Variants in IDH3A observed in about 807,000 individuals in gnomAD.
IDH3A encodes isocitrate dehydrogenase [NAD] subunit alpha, mitochondrial.
Under a neutral mutation model 43.3 loss-of-function variants are expected in IDH3A, and 23 were observed. That is an observed-to-expected ratio of 0.53 (90% CI 0.38 to 0.75). The LOEUF (loss-of-function observed/expected upper bound fraction) is 0.75, where lower values mean the gene tolerates loss of function less well. Ranked by LOEUF, IDH3A falls within the 30% of genes least tolerant of loss-of-function variation. The pLI is 0.00. For synonymous variants in IDH3A, 154 were observed against 163.5 expected (o/e 0.94, Z 0.44); for missense variants, 329 against 474.4 (o/e 0.69, Z 2.85).
At chr15:78,158,608 C>G (rs1219237389) in intron 3 of IDH3A, among the ~76,000 whole-genome samples, 1 of 147,922 alleles carries the variant, frequency 6.8e-6, no homozygotes, top group African/African-American at 2.5e-5. Context: ...TCCCAAGTAG[C>G]TGGGATTACA....
intron 8 of IDH3A, 80 bp downstream of exon 8, chr15:78,163,860 C>A: frequency 2.2e-6 from 2 of 889,942 alleles, no homozygotes; most frequent in South Asian, 1.4e-5. Flanking sequence ...TTAACATTTT[C>A]AATTGAGTAT....
At chr15:78,156,249 T>C (rs904328997) in intron 2 of IDH3A, among the ~76,000 whole-genome samples, 8 of 152,144 alleles carry the variant, frequency 5.3e-5, no homozygotes, top group Non-Finnish European at 5.9e-5. Flanking sequence ...TCAGGCTATT[T>C]ATTTGAAAAA....
chr15:78,155,217 CT>C lies in IDH3A; in HGVS notation c.33del (p.Arg12GlyfsTer12). 6.2e-7 allele frequency: 1 copy of C among 1,610,992 alleles called. No individual in the cohort carries two copies. The highest frequency in any genetic ancestry group is 8.5e-7 in the Non-Finnish European group (1 of 1,177,224). ...TCTCTGTTGATATTAATATAGGTCT[CT>C]CGGCTGCTGGGGGCATTCCACAACC... is the stretch of plus-strand genomic sequence containing the variant. Reference protein sequence around the residue: MAGPAWISKVSRLLGAFHNPK... With the variant: MAGPAWISKVXRLLGAFHNPK... On this transcript the variant is annotated frameshift_variant, in exon 2 of 11. Coordinates refer to ENST00000299518, the MANE Select transcript of IDH3A (RefSeq NM_005530.3). LOFTEE classifies it high-confidence loss of function.
chr15:78,157,272 C>T, intron 2 of IDH3A: 1 of 797,786 alleles, frequency 1.3e-6, no homozygotes, highest in South Asian at 2.7e-5. Flanking sequence ...AGGAAATCTA[C>T]TTGGTAGTTT....
intron 10 of IDH3A, chr15:78,168,300 A>G (rs2074774795): frequency 6.6e-6 from 1 of 151,634 alleles, no homozygotes; most frequent in Non-Finnish European, 1.5e-5. Context: ...TTTCTTTCGT[A>G]TTTGTGTCCC....
At chr15:78,154,844 C>T (rs143848878) in intron 1 of IDH3A, 66 of 163,992 alleles carry the variant, frequency 4.0e-4, no homozygotes, top group Admixed American at 6.3e-4. Context: ...ATATATGTTA[C>T]CCCTAAATTG....
chr15:78,151,034 C>G (rs889664766), intron 1 of IDH3A: 1 of 152,142 alleles, frequency 6.6e-6, no homozygotes, highest in African/African-American at 2.4e-5. Context: ...ATCTGTTTTG[C>G]CTTTAGTGTG....
Position 78,160,114 on chromosome 15 carries a change from G to A in IDH3A, c.197G>A (p.Arg66Gln), listed in dbSNP as rs150367709. The change falls in exon 4 of 11, where the codon CGG (arginine) becomes CAG (glutamine). Residue 66 changes from arginine to glutamine, a missense_variant. Transcript: ENST00000299518. ...AAKAPIQWEE[R>Q]NVTAIQGPGG... ...TAGGCACCTATTCAGTGGGAGGAGC[G>A]GAACGTCACTGCCATTCAAGGACCT... 188 of 1,611,558 alleles carry A rather than the reference G, an allele frequency of 1.2e-4. 3 individuals carry two copies. In the East Asian group the frequency reaches 1.5e-3, roughly 13 times the overall value.
chr15:78,162,174 T>C (rs2074687473), intron 5 of IDH3A, 60 bp from the exon 6 acceptor site: 1 of 1,597,574 alleles, frequency 6.3e-7, no homozygotes, highest in African/African-American at 1.3e-5. Context: ...CCCCACCCTC[T>C]GTCTCCCACT....
chr15:78,159,827 C>CA (rs981675146), intron 3 of IDH3A: 63 of 335,858 alleles, frequency 1.9e-4, no homozygotes, highest in East Asian at 3.5e-4. Context: ...CCTGTCTCTA[C>CA]AAAAAAAATA....
At chr15:78,155,163 G>A in intron 1 of IDH3A, 50 bp from the exon 2 acceptor site, 1 of 1,355,112 alleles carries the variant, frequency 7.4e-7, no homozygotes, top group Non-Finnish European at 1.1e-6. Flanking sequence ...CTTGTTTACT[G>A]TATGTGGTTT....
chr15:78,160,910 C>T (rs1348444826), intron 4 of IDH3A, among the ~76,000 whole-genome samples: 1 of 152,090 alleles, frequency 6.6e-6, no homozygotes, highest in Non-Finnish European at 1.5e-5. Flanking sequence ...TTTTGAGAGT[C>T]TCGCTCTGTT....
intron 3 of IDH3A, among the ~76,000 whole-genome samples, chr15:78,158,448 C>CACATAT (rs763962799): frequency 3.5e-5 from 1 of 28,214 alleles, no homozygotes; most frequent in Non-Finnish European, 6.0e-5. Flanking sequence ...TACATACATA[C>CACATAT]ATATATATAT....
chr15:78,167,055 A>T (rs1360328544), intron 10 of IDH3A, among the ~76,000 whole-genome samples: 1 of 152,256 alleles, frequency 6.6e-6, no homozygotes, highest in Non-Finnish European at 1.5e-5. Context: ...AGGAGCTGGG[A>T]ATCTAGTGGC....
At position 78,149,532 on chromosome 15, in the gene IDH3A, G is replaced by A. The variant is rs1446364343; in HGVS notation, c.27+102G>A. On this transcript the variant is annotated intron_variant, in intron 1 of 10. Transcript: ENST00000299518. ...GTGGGCGGGCGCGTGGGCCAGACAGGGAGGCGGTGGCTGCCCGCGGGGACA... is the reference window on the plus strand; with the variant it reads ...GTGGGCGGGCGCGTGGGCCAGACAGAGAGGCGGTGGCTGCCCGCGGGGACA... 5.0e-5 allele frequency: 52 copies of A among 1,039,002 alleles called. No individual in the cohort carries two copies. In the East Asian group the frequency reaches 1.6e-3, roughly 32 times the overall value. 64.4% of individuals were successfully genotyped at this position (1,039,002 alleles called of 1,614,324 possible).
Position 78,155,164 on chromosome 15 carries a change from T to A in IDH3A, c.28-49T>A, listed in dbSNP as rs2074613641. 12 of 1,351,316 alleles carry A rather than the reference T, an allele frequency of 8.9e-6. No individual in the cohort carries two copies. In the East Asian group the frequency reaches 2.8e-4, roughly 31 times the overall value. The allele number at this position is 1,351,316 out of a possible 1,614,324, so 83.7% of individuals were successfully genotyped here. A position where few individuals can be genotyped will look rare whatever the true frequency, so the allele number is the denominator to read the frequency against. On this transcript the variant is annotated intron_variant, in intron 1 of 10. Coordinates refer to ENST00000299518, the MANE Select transcript of IDH3A (RefSeq NM_005530.3). ...AGGACTTCCTCGCTCTTGTTTACTG[T>A]ATGTGGTTTAATTCTGTGTGTGATA...
chr15:78,160,410 G>T (rs1259433959), intron 4 of IDH3A, among the ~76,000 whole-genome samples: 3 of 152,158 alleles, frequency 2.0e-5, no homozygotes, highest in African/African-American at 7.2e-5. Context: ...AAGTATTACT[G>T]GATGATGCCA....
At chr15:78,164,208 G>A (rs2074712781) in intron 8 of IDH3A, among the ~76,000 whole-genome samples, 1 of 151,862 alleles carries the variant, frequency 6.6e-6, no homozygotes, top group African/African-American at 2.4e-5. Flanking sequence ...TTCTCCAGAT[G>A]TCAGCATTTT....
At position 78,158,779 on chromosome 15, in the gene IDH3A, T is replaced by C. The variant is rs143286836; in HGVS notation, c.174+1148T>C. On this transcript the variant is annotated intron_variant, in intron 3 of 10. Coordinates refer to ENST00000299518, the MANE Select transcript of IDH3A (RefSeq NM_005530.3). ...ATATATATTTTAAACAATGTAATAT[T>C]GTTTTTTAAAAACAGCTTTATGGAG... Among the ~76,000 whole-genome samples, 7 of 151,550 alleles carry C rather than the reference T, an allele frequency of 4.6e-5. No homozygotes were observed. In the East Asian group the frequency reaches 1.4e-3, roughly 30 times the overall value.
Sources: gnomAD v4.1 joint callset for allele counts (sites outside exome capture counted in the v4.1 genomes callset) on GRCh38, gnomAD v4.1.1 for gene constraint, MANE v1.5 for transcripts, NCBI Gene and HGNC (gene_info 2026-07-23, HGNC 2026-07-21) for gene names.